The following ROBO2 variants were observed in gnomAD, a reference collection of about 807,000 sequenced individuals.
The protein encoded by ROBO2 is roundabout guidance receptor 2.
ROBO2 carries 53 observed loss-of-function variants against 160.8 expected under a neutral mutation model. The observed-to-expected ratio is 0.33, with a 90% CI of 0.26 to 0.41. ROBO2 has a LOEUF of 0.41. Among genes scored for constraint, ROBO2 ranks in the 10% least tolerant of loss-of-function variants. ROBO2 has a pLI of 1.00. For synonymous variants in ROBO2, 664 were observed against 611.7 expected (o/e 1.09, Z -1.26); for missense variants, 1,577 against 1,722.4 (o/e 0.92, Z 1.49).
At chr3:77,103,351 C>A (rs372111792) in intron 2 of ROBO2, among the ~76,000 whole-genome samples, 1 of 151,868 alleles carries the variant, frequency 6.6e-6, no homozygotes, top group Non-Finnish European at 1.5e-5. Flanking sequence ...AGGTGCTGAA[C>A]GCTTTAGTGG....
intron 2 of ROBO2, among the ~76,000 whole-genome samples, chr3:77,362,325 G>A (rs1418985499): frequency 2.6e-5 from 4 of 152,154 alleles, no homozygotes. Context: ...AAGAAGTAGA[G>A]TGGGGGTCAG....
chr3:75,946,022 G>A (rs527571750), intron 2 of ROBO2, among the ~76,000 whole-genome samples: 3 of 152,192 alleles, frequency 2.0e-5, no homozygotes, highest in South Asian at 4.1e-4. Context: ...TACCGGAAAT[G>A]TTTTGGTTTG....
intron 2 of ROBO2, among the ~76,000 whole-genome samples, chr3:76,520,957 A>G (rs925779906): frequency 2.0e-5 from 3 of 150,936 alleles, no homozygotes; most frequent in East Asian, 2.0e-4. Context: ...TCTCTTCTTC[A>G]TTTATTACTA....
intron 1 of ROBO2, among the ~76,000 whole-genome samples, chr3:77,072,528 C>T (rs997773569): frequency 2.6e-5 from 4 of 152,114 alleles, no homozygotes; most frequent in Non-Finnish European, 4.4e-5. Flanking sequence ...TGTTCTTTTC[C>T]ACTTCTTACC....
At chr3:77,048,744 A>G (rs984364851) in intron 1 of ROBO2, among the ~76,000 whole-genome samples, 5 of 152,214 alleles carry the variant, frequency 3.3e-5, no homozygotes, top group African/African-American at 1.2e-4. Context: ...ATTATCCATT[A>G]GTTACATTTG....
At chr3:77,526,062 G>A (rs1164589114) in intron 6 of ROBO2, among the ~76,000 whole-genome samples, 2 of 151,262 alleles carry the variant, frequency 1.3e-5, no homozygotes, top group Admixed American at 6.6e-5. Context: ...AGAAATCGTG[G>A]TACATTGGGT....
intron 2 of ROBO2, among the ~76,000 whole-genome samples, chr3:77,421,569 T>C (rs2077716397): frequency 6.6e-6 from 1 of 152,120 alleles, no homozygotes; most frequent in Admixed American, 6.6e-5. Flanking sequence ...TGTTGAATAA[T>C]TTCAGGAAAA....
intron 2 of ROBO2, among the ~76,000 whole-genome samples, chr3:76,153,222 G>T (rs1341041602): frequency 1.3e-5 from 2 of 152,152 alleles, no homozygotes; most frequent in Non-Finnish European, 2.9e-5. Flanking sequence ...TTTCTTTACA[G>T]TGTGTGGAGC....
chr3:76,336,388 T>C (rs984011484), intron 2 of ROBO2, among the ~76,000 whole-genome samples: 2 of 152,208 alleles, frequency 1.3e-5, no homozygotes, highest in African/African-American at 4.8e-5. Flanking sequence ...CAGCTAAATG[T>C]TATCACTATA....
rs183818670 is a variant in ROBO2 at position 76,609,214 on chromosome 3, T to C, written c.110-488800T>C. Among the ~76,000 whole-genome samples the C allele has an allele frequency of 2.6e-5, 4 of 152,212 alleles. No homozygotes were observed. The East Asian group carries it at 7.7e-4, about 29-fold the overall frequency. On this transcript the variant is annotated intron_variant, in intron 2 of 26. Coordinates refer to the ROBO2 transcript ENST00000487694. ...TGGGTTCTCTATTCTGTTTCATTTGTCTATATGTCTGTTTTTATACCAGTT... is the reference window on the plus strand; with the variant it reads ...TGGGTTCTCTATTCTGTTTCATTTGCCTATATGTCTGTTTTTATACCAGTT...
chr3:76,179,463 C>G (rs1371778423), intron 2 of ROBO2, among the ~76,000 whole-genome samples: 1 of 152,180 alleles, frequency 6.6e-6, no homozygotes, highest in Non-Finnish European at 1.5e-5. Context: ...AGTTTTCCAT[C>G]CTCCTTACTT....
chr3:76,938,122 G>T (rs1273083407), intron 2 of ROBO2, among the ~76,000 whole-genome samples: 1 of 152,128 alleles, frequency 6.6e-6, no homozygotes, highest in Admixed American at 6.6e-5. Flanking sequence ...TCTTTGGCAG[G>T]CCGAGGCGGG....
chr3:76,007,460 T>C (rs1646109975), intron 2 of ROBO2, among the ~76,000 whole-genome samples: 1 of 152,158 alleles, frequency 6.6e-6, no homozygotes, highest in African/African-American at 2.4e-5. Flanking sequence ...AAATAACTGC[T>C]TATCGAAAGT....
intron 2 of ROBO2, among the ~76,000 whole-genome samples, chr3:77,196,839 A>G (rs546720514): frequency 6.6e-6 from 1 of 152,212 alleles, no homozygotes; most frequent in South Asian, 2.1e-4. Flanking sequence ...CAAGTAGGAA[A>G]TAGATTTAAC....
At position 76,011,769 on chromosome 3, in the gene ROBO2, A is replaced by G. The variant is rs551786209; in HGVS notation, c.109+74167A>G. 5.7e-4 allele frequency among the ~76,000 whole-genome samples: 87 copies of G among 152,340 alleles called. 1 individual carries two copies. The highest frequency in any genetic ancestry group is 2.9e-3 in the South Asian group (14 of 4,830). ...ATGTAGACATTATGCTCCTCAATGGAAATTTTAAGGATACAATATTGTTTC... is the reference window on the plus strand; with the variant it reads ...ATGTAGACATTATGCTCCTCAATGGGAATTTTAAGGATACAATATTGTTTC... On this transcript the variant is annotated intron_variant, in intron 2 of 26. Coordinates refer to the ROBO2 transcript ENST00000487694.
intron 2 of ROBO2, among the ~76,000 whole-genome samples, chr3:76,458,870 A>G (rs11917970): frequency 0.047 from 7,169 of 152,212 alleles, 510 homozygotes; most frequent in African/African-American, 0.15. Context: ...ACCAGCCCCC[A>G]TGATTGAATT....
chr3:76,847,214 A>T (rs113373237), intron 2 of ROBO2, among the ~76,000 whole-genome samples: 85 of 152,296 alleles, frequency 5.6e-4, no homozygotes, highest in African/African-American at 1.9e-3. Context: ...GTGAACATTA[A>T]AAATAATCAA....
chr3:76,983,744 A>G (rs953759236), intron 2 of ROBO2, among the ~76,000 whole-genome samples: 1 of 152,234 alleles, frequency 6.6e-6, no homozygotes, highest in Admixed American at 6.5e-5. Flanking sequence ...CACTCTGTCC[A>G]GATAAGGTAC....
At chr3:76,423,422 G>A (rs1324453057) in intron 2 of ROBO2, among the ~76,000 whole-genome samples, 1 of 152,152 alleles carries the variant, frequency 6.6e-6, no homozygotes, top group Non-Finnish European at 1.5e-5. Context: ...TAATGGAATA[G>A]CAAGACAACA....
Sources: gnomAD v4.1 joint callset for allele counts (sites outside exome capture counted in the v4.1 genomes callset) on GRCh38, gnomAD v4.1.1 for gene constraint, MANE v1.5 for transcripts, NCBI Gene and HGNC (gene_info 2026-07-23, HGNC 2026-07-21) for gene names.